The following FOXP2 variants were observed in gnomAD, a reference collection of about 807,000 sequenced individuals.
The protein encoded by FOXP2 is forkhead box P2, also known as forkhead box protein P2.
FOXP2 carries 12 observed loss-of-function variants against 115.8 expected under a neutral mutation model. The observed-to-expected ratio is 0.10, with a 90% CI of 0.07 to 0.17. FOXP2 has a LOEUF of 0.17. Among genes scored for constraint, FOXP2 ranks in the 10% least tolerant of loss-of-function variants. The pLI, the probability that FOXP2 is intolerant of heterozygous loss-of-function variation, is 1.00. For synonymous variants in FOXP2, 328 were observed against 297.7 expected (o/e 1.10, Z -1.05); for missense variants, 629 against 843.5 (o/e 0.75, Z 3.15).
Position 114,334,931 on chromosome 7 carries a change from C to CTATATATATA in FOXP2, c.-11+46841_-11+46850dup, listed in dbSNP as rs144511332. Among the ~76,000 whole-genome samples, 73 of 119,324 alleles carry CTATATATATA rather than the reference C, an allele frequency of 6.1e-4. 1 individual carries two copies. In the East Asian group the frequency reaches 6.3e-3, roughly 10 times the overall value. The allele number at this position is 119,324 out of a possible 152,430, so 78.3% of individuals were successfully genotyped here. A position where few individuals can be genotyped will look rare whatever the true frequency, so the allele number is the denominator to read the frequency against. ...ATATATATTTTATATATATAGAAAT[C>CTATATATATA]TATATATATATATATATATATATAT... On this transcript the variant is annotated intron_variant, in intron 2 of 17. Transcript: ENST00000634411.
intron 16 of FOXP2, among the ~76,000 whole-genome samples, chr7:114,683,000 T>C (rs192007987): frequency 6.6e-6 from 1 of 152,328 alleles, no homozygotes; most frequent in Non-Finnish European, 1.5e-5. Context: ...ATAGATCTTT[T>C]AAAAATTGAG....
At chr7:114,349,582 G>A (rs1457070085) in intron 2 of FOXP2, among the ~76,000 whole-genome samples, 1 of 151,874 alleles carries the variant, frequency 6.6e-6, no homozygotes, top group African/African-American at 2.4e-5. Flanking sequence ...TGTTTCTAAG[G>A]TTGTGTTATT....
At chr7:114,473,594 A>G (rs1231871135) in intron 2 of FOXP2, among the ~76,000 whole-genome samples, 1 of 152,186 alleles carries the variant, frequency 6.6e-6, no homozygotes, top group Non-Finnish European at 1.5e-5. Flanking sequence ...TCTGTGCCCA[A>G]AATGAATTGG....
chr7:114,324,605 A>G (rs1241702118), intron 2 of FOXP2, among the ~76,000 whole-genome samples: 2 of 151,740 alleles, frequency 1.3e-5, no homozygotes, highest in Admixed American at 6.6e-5. Context: ...TCAACATATT[A>G]CCTATTCCCA....
chr7:114,109,428 A>G (rs1190712839), intron 1 of FOXP2, among the ~76,000 whole-genome samples: 1 of 152,112 alleles, frequency 6.6e-6, no homozygotes, highest in Non-Finnish European at 1.5e-5. Context: ...TGTGGTTGCA[A>G]TAATAAAATG....
chr7:114,530,382 A>G (rs1430159324), intron 2 of FOXP2, among the ~76,000 whole-genome samples: 1 of 151,906 alleles, frequency 6.6e-6, no homozygotes, highest in Non-Finnish European at 1.5e-5. Context: ...TGTGCTGTTT[A>G]TACATTGAAG....
intron 2 of FOXP2, among the ~76,000 whole-genome samples, chr7:114,532,452 C>G (rs1168407918): frequency 6.6e-6 from 1 of 151,780 alleles, no homozygotes; most frequent in Non-Finnish European, 1.5e-5. Context: ...ATTCCTTTGA[C>G]AGAACAGAAA....
intron 16 of FOXP2, among the ~76,000 whole-genome samples, chr7:114,685,235 G>A (rs993473980): frequency 3.3e-5 from 5 of 151,978 alleles, no homozygotes; most frequent in Admixed American, 6.6e-5. Flanking sequence ...TATTTATCAC[G>A]TTAAATAGTA....
intron 1 of FOXP2, among the ~76,000 whole-genome samples, chr7:114,213,611 AT>A (rs1207701483): frequency 6.6e-6 from 1 of 152,138 alleles, no homozygotes; most frequent in African/African-American, 2.4e-5. Flanking sequence ...GTTTATAGCA[AT>A]TTGAATTTGT....
intron 1 of FOXP2, among the ~76,000 whole-genome samples, chr7:114,141,161 A>C (rs949489520): frequency 2.0e-5 from 3 of 152,218 alleles, no homozygotes; most frequent in Non-Finnish European, 4.4e-5. Flanking sequence ...CAGTAAGCTA[A>C]GTCACTCTTC....
chr7:114,364,126 G>A (rs1791819489), intron 2 of FOXP2, among the ~76,000 whole-genome samples: 2 of 152,052 alleles, frequency 1.3e-5, no homozygotes, highest in Admixed American at 1.3e-4. Flanking sequence ...TGTAATGATG[G>A]TAGTGTTGAA....
chr7:114,657,684 G>A (rs940013018), intron 10 of FOXP2, among the ~76,000 whole-genome samples: 1 of 152,072 alleles, frequency 6.6e-6, no homozygotes, highest in African/African-American at 2.4e-5. Flanking sequence ...AAATCCTATT[G>A]GTTAAAAACA....
At chr7:114,231,574 A>G (rs752540829) in intron 1 of FOXP2, among the ~76,000 whole-genome samples, 6 of 152,178 alleles carry the variant, frequency 3.9e-5, no homozygotes, top group Non-Finnish European at 7.4e-5. Context: ...TGTATGATCT[A>G]TTTGTCAAAT....
At chr7:114,368,216 G>C (rs539045140) in intron 2 of FOXP2, among the ~76,000 whole-genome samples, 1 of 151,994 alleles carries the variant, frequency 6.6e-6, no homozygotes, top group African/African-American at 2.4e-5. Context: ...ATACACATTG[G>C]TTAGTACTCC....
intron 1 of FOXP2, among the ~76,000 whole-genome samples, chr7:114,120,716 G>GTGTA (rs1554417505): frequency 4.0e-5 from 6 of 151,504 alleles, no homozygotes; most frequent in African/African-American, 1.5e-4. Flanking sequence ...GTGTGTGTGT[G>GTGTA]TATATATATG....
chr7:114,111,773 G>A (rs1443009134), intron 1 of FOXP2, among the ~76,000 whole-genome samples: 1 of 151,992 alleles, frequency 6.6e-6, no homozygotes, highest in African/African-American at 2.4e-5. Flanking sequence ...AATACTTCAA[G>A]TTCATACCTA....
intron 1 of FOXP2, among the ~76,000 whole-genome samples, chr7:114,125,824 T>G (rs1213249937): frequency 1.3e-5 from 2 of 152,134 alleles, no homozygotes; most frequent in Non-Finnish European, 2.9e-5. Flanking sequence ...TTTGTGCACA[T>G]GCCTACAGTG....
intron 1 of FOXP2, among the ~76,000 whole-genome samples, chr7:114,187,737 G>A (rs374643899): frequency 4.6e-5 from 7 of 152,100 alleles, no homozygotes; most frequent in East Asian, 1.9e-4. Flanking sequence ...GTCTTAGTCT[G>A]TCTTGTGCTG....
intron 2 of FOXP2, among the ~76,000 whole-genome samples, chr7:114,405,841 A>G (rs1793023200): frequency 6.6e-6 from 1 of 151,818 alleles, no homozygotes. Context: ...TTTTTGGAAA[A>G]TTTATATAAA....
Sources: gnomAD v4.1 joint callset for allele counts (sites outside exome capture counted in the v4.1 genomes callset) on GRCh38, gnomAD v4.1.1 for gene constraint, MANE v1.5 for transcripts, NCBI Gene and HGNC (gene_info 2026-07-23, HGNC 2026-07-21) for gene names.